Variants in SHISA9 observed in about 807,000 individuals in gnomAD.
SHISA9 encodes protein shisa-9.
A neutral mutation model predicts 38.0 loss-of-function variants in SHISA9; 13 were observed. The ratio of observed to expected loss-of-function variants is 0.34; its 90% CI spans 0.22 to 0.54. The LOEUF is 0.54. Ranked by LOEUF, SHISA9 falls within the 20% of genes least tolerant of loss-of-function variation. SHISA9 has a pLI of 0.91. For missense variants in SHISA9, 538 were observed against 575.8 expected (o/e 0.93, Z 0.67); for synonymous variants, 275 against 242.0 (o/e 1.14, Z -1.27).
the SHISA9 span, among the ~76,000 whole-genome samples, chr16:13,530,440 G>A: frequency 1.3e-5 from 2 of 152,142 alleles, no homozygotes; most frequent in Non-Finnish European, 2.9e-5. Context: ...GGGTTATTGT[G>A]TGGATTAAAT....
At chr16:13,056,908 G>A (rs938078783) in intron 2 of SHISA9, among the ~76,000 whole-genome samples, 1 of 152,252 alleles carries the variant, frequency 6.6e-6, no homozygotes, top group African/African-American at 2.4e-5. Context: ...AGAGAAAGTA[G>A]ACACAGCGGG....
Position 12,970,948 on chromosome 16 carries a change from C to T in SHISA9, c.691+54133C>T, listed in dbSNP as rs139513321. Among the ~76,000 whole-genome samples the T allele has an allele frequency of 7.3e-4, 111 of 152,234 alleles. 1 individual carries two copies. The highest frequency in any genetic ancestry group is 2.6e-3 in the African/African-American group (107 of 41,536). ...AACAGTGTCTGATACATGGGAGGCA[C>T]TCGCAAAGTATTTGTTGAATGAATG... On this transcript the variant is annotated intron_variant, in intron 2 of 4. Coordinates refer to ENST00000558583, the MANE Select transcript of SHISA9 (RefSeq NM_001145204.3).
the SHISA9 span, among the ~76,000 whole-genome samples, chr16:13,256,717 T>C: frequency 6.6e-6 from 1 of 152,240 alleles, no homozygotes; most frequent in South Asian, 2.1e-4. Context: ...CACACTTGAA[T>C]GAGTGAACAA....
At chr16:13,226,950 A>C (rs945197455) in intron 4 of SHISA9, among the ~76,000 whole-genome samples, 1 of 152,208 alleles carries the variant, frequency 6.6e-6, no homozygotes, top group Non-Finnish European at 1.5e-5. Context: ...GGGGAAATAG[A>C]TTCCACTTCT....
intron 2 of SHISA9, among the ~76,000 whole-genome samples, chr16:13,148,556 C>G (rs2050468574): frequency 6.6e-6 from 1 of 152,128 alleles, no homozygotes; most frequent in Non-Finnish European, 1.5e-5. Flanking sequence ...TCCACATTCA[C>G]TCTATATCTA....
At chr16:13,461,494 G>A in the SHISA9 span, among the ~76,000 whole-genome samples, 3 of 150,808 alleles carry the variant, frequency 2.0e-5, no homozygotes, top group Admixed American at 6.6e-5. Context: ...CTGGGGAATC[G>A]CCTGACCCCT....
At chr16:13,089,166 G>C (rs1040002175) in intron 2 of SHISA9, among the ~76,000 whole-genome samples, 10 of 152,014 alleles carry the variant, frequency 6.6e-5, no homozygotes, top group African/African-American at 2.4e-4. Flanking sequence ...AGATCATGGT[G>C]GATAAGCTTT....
At chr16:13,329,885 G>C in the SHISA9 span, among the ~76,000 whole-genome samples, 1 of 152,220 alleles carries the variant, frequency 6.6e-6, no homozygotes, top group Non-Finnish European at 1.5e-5. Flanking sequence ...CTTAAGGATA[G>C]TTTTAGCTCT....
chr16:13,496,273 T>A, the SHISA9 span, among the ~76,000 whole-genome samples: 1 of 152,150 alleles, frequency 6.6e-6, no homozygotes, highest in South Asian at 2.1e-4. Flanking sequence ...AAGGAAAGAT[T>A]ATGACCTAAG....
downstream of SHISA9, among the ~76,000 whole-genome samples, chr16:13,240,682 C>T (rs993337500): frequency 1.3e-5 from 2 of 152,152 alleles, no homozygotes; most frequent in Non-Finnish European, 2.9e-5. Flanking sequence ...GCTAGGTTTC[C>T]TCATCATAAC....
At chr16:13,087,934 C>A (rs973035287) in intron 2 of SHISA9, among the ~76,000 whole-genome samples, 1 of 152,134 alleles carries the variant, frequency 6.6e-6, no homozygotes, top group Non-Finnish European at 1.5e-5. Context: ...AGGTTTTCTT[C>A]TAGGATTTTT....
At chr16:12,972,421 T>C (rs2072097028) in intron 2 of SHISA9, among the ~76,000 whole-genome samples, 1 of 152,142 alleles carries the variant, frequency 6.6e-6, no homozygotes, top group South Asian at 2.1e-4. Flanking sequence ...CACCTCCGTA[T>C]ATCACTAAGT....
intron 2 of SHISA9, among the ~76,000 whole-genome samples, chr16:13,057,846 C>G (rs2073328362): frequency 6.6e-6 from 1 of 152,114 alleles, no homozygotes. Flanking sequence ...ATTCCCCTCC[C>G]TGTGTCCATG....
chr16:13,139,747 A>G (rs2050383081), intron 2 of SHISA9, among the ~76,000 whole-genome samples: 1 of 152,100 alleles, frequency 6.6e-6, no homozygotes, highest in Admixed American at 6.6e-5. Context: ...GTTCCTAACA[A>G]TTTAAGGTTC....
At chr16:13,052,468 C>A (rs966983765) in intron 2 of SHISA9, among the ~76,000 whole-genome samples, 2 of 152,182 alleles carry the variant, frequency 1.3e-5, no homozygotes, top group African/African-American at 4.8e-5. Flanking sequence ...AGAGATTCCT[C>A]CCTTGTCCCA....
At chr16:12,965,479 G>GGC (rs1282335952) in intron 2 of SHISA9, among the ~76,000 whole-genome samples, 1 of 152,150 alleles carries the variant, frequency 6.6e-6, no homozygotes, top group Non-Finnish European at 1.5e-5. Context: ...TCGTGTGGGA[G>GGC]GCACTCTACC....
At chr16:13,085,838 G>A (rs2073704625) in intron 2 of SHISA9, among the ~76,000 whole-genome samples, 1 of 152,112 alleles carries the variant, frequency 6.6e-6, no homozygotes, top group Non-Finnish European at 1.5e-5. Context: ...AGGTAATTAG[G>A]CATCTCACAT....
chr16:13,407,757 G>A, the SHISA9 span, among the ~76,000 whole-genome samples: 22 of 152,280 alleles, frequency 1.4e-4, no homozygotes, highest in Middle Eastern at 6.8e-3. Context: ...TAAAGGGACC[G>A]TGGAGGGGAG....
intron 2 of SHISA9, among the ~76,000 whole-genome samples, chr16:12,957,850 T>C (rs968473269): frequency 6.6e-6 from 1 of 152,256 alleles, no homozygotes; most frequent in African/African-American, 2.4e-5. Context: ...CTTCTCGCTG[T>C]GTCCTTACAT....
Sources: allele counts gnomAD v4.1 joint callset (sites outside exome capture counted in the v4.1 genomes callset), GRCh38; gene constraint gnomAD v4.1.1; transcripts MANE v1.5; gene names NCBI Gene and HGNC (gene_info 2026-07-23, HGNC 2026-07-21).